The following CABLES1 variants were observed in gnomAD, a reference collection of about 807,000 sequenced individuals.
CABLES1 encodes Cdk5 and Abl enzyme substrate 1.
In CABLES1, 36 loss-of-function variants were observed where a neutral mutation model predicts 57.8. The observed-to-expected ratio is 0.62, with a 90% CI of 0.48 to 0.82. CABLES1 has a LOEUF of 0.82. Ranked by LOEUF, CABLES1 falls within the 40% of genes least tolerant of loss-of-function variation. The pLI is 0.00. For synonymous variants in CABLES1, 374 were observed against 363.0 expected, an observed-to-expected ratio of 1.03 and a Z score of -0.35; for missense variants, 767 against 836.6, an observed-to-expected ratio of 0.92 and a Z score of 1.03.
chr18:23,202,496 A>G (rs1021629338), intron 3 of CABLES1, among the ~76,000 whole-genome samples: 15 of 152,216 alleles, frequency 9.9e-5, no homozygotes, highest in Admixed American at 9.2e-4. Context: ...GCCAGTCACC[A>G]TGGGCTCTAA....
chr18:23,207,925 T>C (rs1169539519), intron 3 of CABLES1, among the ~76,000 whole-genome samples: 1 of 152,162 alleles, frequency 6.6e-6, no homozygotes, highest in Non-Finnish European at 1.5e-5. Context: ...CATGTGGTAT[T>C]TGTGGGCTAC....
At chr18:23,249,161 C>T (rs2047976371) in intron 7 of CABLES1, among the ~76,000 whole-genome samples, 1 of 152,266 alleles carries the variant, frequency 6.6e-6, no homozygotes, top group Admixed American at 6.5e-5. Context: ...CTTGCTCCAG[C>T]CCTGCCTTCA....
At position 23,200,436 on chromosome 18, in the gene CABLES1, ACT is replaced by A. The variant is rs1491558826; in HGVS notation, c.1010+5897_1010+5898del. ...CACCATGCCCAGCTAATTTTTTTAT[ACT>A]TTTTTAGTAGAGACGGGGTTTCACC... is the stretch of plus-strand genomic sequence containing the variant. On this transcript the variant is annotated intron_variant, in intron 3 of 9. Transcript: ENST00000256925. Among the ~76,000 whole-genome samples, 3 of 151,488 alleles carry A rather than the reference ACT, an allele frequency of 2.0e-5. No individual in the cohort carries two copies. The East Asian group carries it at 5.8e-4, about 29-fold the overall frequency.
chr18:23,181,986 T>C (rs2047170324), intron 1 of CABLES1, among the ~76,000 whole-genome samples: 1 of 152,164 alleles, frequency 6.6e-6, no homozygotes, highest in South Asian at 2.1e-4. Flanking sequence ...TCCACACCTG[T>C]GAAGAAGCAA....
chr18:23,238,451 C>A (rs1210968307), intron 7 of CABLES1, among the ~76,000 whole-genome samples: 1 of 152,154 alleles, frequency 6.6e-6, no homozygotes, highest in Non-Finnish European at 1.5e-5. Context: ...TTGAAATTGC[C>A]GCTTCTCCTC....
intron 1 of CABLES1, among the ~76,000 whole-genome samples, chr18:23,164,388 C>G (rs1207564257): frequency 6.6e-6 from 1 of 152,164 alleles, no homozygotes; most frequent in Non-Finnish European, 1.5e-5. Context: ...CCTCCCAGGG[C>G]CCCGCCATCA....
intron 2 of CABLES1, 32 bp from the exon 3 acceptor site, chr18:23,194,412 AACTG>A (rs1349402566): frequency 1.5e-6 from 2 of 1,361,558 alleles, no homozygotes; most frequent in African/African-American, 1.4e-5. Flanking sequence ...TCCAGCAGGC[AACTG>A]ACTGTGTTTT....
rs2048092658 is a variant in CABLES1, at chr18:23,253,593, C to G, written c.1554-136C>G. 5 of 724,280 alleles carry G rather than the reference C, an allele frequency of 6.9e-6. No individual in the cohort carries two copies. In the South Asian group the frequency reaches 9.3e-5, roughly 14 times the overall value. 44.9% of individuals were successfully genotyped at this position (724,280 alleles called of 1,614,324 possible). On this transcript the variant is annotated intron_variant, in intron 8 of 9. Coordinates refer to ENST00000256925, the MANE Select transcript of CABLES1 (RefSeq NM_001100619.3). The stretch of plus-strand genomic sequence containing the variant: ...CCATGCATAACGCAGCCTTCACACT[C>G]CCAGGGACTTAATCCCAGTCCAGAT...
At chr18:23,205,210 C>T (rs148129328) in intron 3 of CABLES1, among the ~76,000 whole-genome samples, 206 of 91,244 alleles carry the variant, frequency 2.3e-3, no homozygotes, top group African/African-American at 8.9e-3. Context: ...TTTTTTGAGA[C>T]GGCATCTCCC....
At chr18:23,162,353 G>C (rs1326621097) in intron 1 of CABLES1, among the ~76,000 whole-genome samples, 1 of 152,194 alleles carries the variant, frequency 6.6e-6, no homozygotes, top group Non-Finnish European at 1.5e-5. Flanking sequence ...TATTAGCTTA[G>C]ACAGCCAGTT....
intron 7 of CABLES1, among the ~76,000 whole-genome samples, chr18:23,248,512 CTT>C (rs59555750): frequency 9.4e-4 from 85 of 90,708 alleles, no homozygotes; most frequent in Admixed American, 2.0e-3. Flanking sequence ...GACCCTATGT[CTT>C]TTTTTTTTTT....
intron 1 of CABLES1, among the ~76,000 whole-genome samples, chr18:23,146,751 T>G (rs1357201922): frequency 1.9e-5 from 1 of 52,282 alleles, no homozygotes; most frequent in East Asian, 6.2e-4. Context: ...TTTTATGGAT[T>G]TGAAAGTCAC....
rs2046823465 is a variant in CABLES1 at position 23,136,542 on chromosome 18, C to T, written c.780C>T (p.Tyr260=). The T allele has an allele frequency of 6.4e-7, 1 of 1,573,834 alleles. No individual in the cohort carries two copies. Among genetic ancestry groups the T allele is most frequent in the Non-Finnish European group, 8.6e-7 (1 of 1,168,142 alleles). The stretch of plus-strand genomic sequence containing the variant: ...TCTCCAGGCCGACTTCGCAGAACTA[C>T]TGCTCCCTGGAGCAGCCAGGCCAGG... ...IAFSRPTSQN[Y]CSLEQPGQGG... is the part of the protein sequence containing the mutation. The change falls in exon 1 of 10, where the codon TAC becomes TAT. Residue 260 remains tyrosine, a synonymous_variant. Transcript: ENST00000256925.
chr18:23,176,344 G>A (rs570780597), intron 1 of CABLES1, among the ~76,000 whole-genome samples: 4 of 152,074 alleles, frequency 2.6e-5, no homozygotes, highest in African/African-American at 4.8e-5. Context: ...TAGGCTTGGC[G>A]CTCCTGTGAG....
intron 4 of CABLES1, among the ~76,000 whole-genome samples, chr18:23,225,512 C>G (rs1433993617): frequency 6.6e-6 from 1 of 151,744 alleles, no homozygotes; most frequent in Non-Finnish European, 1.5e-5. Context: ...TTGCTAAATC[C>G]TACCTTTCAA....
At chr18:23,165,542 C>T (rs2047036501) in intron 1 of CABLES1, among the ~76,000 whole-genome samples, 2 of 151,836 alleles carry the variant, frequency 1.3e-5, no homozygotes, top group Admixed American at 1.3e-4. Flanking sequence ...CCCCCCAGTC[C>T]CTGGCAACCA....
intron 3 of CABLES1, among the ~76,000 whole-genome samples, chr18:23,206,956 G>A (rs981288350): frequency 1.3e-5 from 2 of 151,842 alleles, no homozygotes; most frequent in Non-Finnish European, 2.9e-5. Context: ...GACTACAGGC[G>A]TGTGCTACCA....
At chr18:23,253,683 C>T in intron 8 of CABLES1, 46 bp from the exon 9 acceptor site, 1 of 1,535,564 alleles carries the variant, frequency 6.5e-7, no homozygotes, top group Non-Finnish European at 8.9e-7. Context: ...TCCACTGAAA[C>T]TCTAAGTTTT....
chr18:23,238,766 C>T (rs1274763036), intron 7 of CABLES1, among the ~76,000 whole-genome samples: 2 of 152,198 alleles, frequency 1.3e-5, no homozygotes, highest in Non-Finnish European at 2.9e-5. Context: ...GTGAGGCTTT[C>T]CTAGTTGATA....
Sources: allele counts gnomAD v4.1 joint callset (sites outside exome capture counted in the v4.1 genomes callset), GRCh38; gene constraint gnomAD v4.1.1; transcripts MANE v1.5; gene names NCBI Gene and HGNC (gene_info 2026-07-23, HGNC 2026-07-21).